RALYL: variants seen among roughly 807,000 people sequenced by gnomAD.
RALYL encodes RALY RNA binding protein like, also known as RNA-binding Raly-like protein.
RALYL carries 29 observed loss-of-function variants against 35.1 expected under a neutral mutation model. The observed-to-expected ratio is 0.83, with a 90% confidence interval of 0.61 to 1.13. RALYL has a LOEUF of 1.13. RALYL is among the 50% of genes most tolerant of loss of function. The probability of loss-of-function intolerance (pLI) is 0.00; values close to 1 mark genes in which losing one functional copy is unlikely to be tolerated. For synonymous variants in RALYL, 120 were observed against 127.6 expected (o/e 0.94, Z 0.40); for missense variants, 359 against 360.4 (o/e 1.00, Z 0.03).
chr8:84,900,695 C>A (rs866652670), intron 8 of RALYL, among the ~76,000 whole-genome samples: 16 of 151,800 alleles, frequency 1.1e-4, no homozygotes, highest in South Asian at 2.1e-4. Context: ...AAAAAAAATT[C>A]TCCCTATCAA....
intron 1 of RALYL, among the ~76,000 whole-genome samples, chr8:84,518,197 C>A (rs1164584904): frequency 7.5e-6 from 1 of 133,578 alleles, no homozygotes; most frequent in Non-Finnish European, 1.7e-5. Flanking sequence ...ACTATTATTT[C>A]TGGAGTAAGA....
At chr8:84,670,573 G>A (rs1377263186) in intron 2 of RALYL, among the ~76,000 whole-genome samples, 1 of 152,182 alleles carries the variant, frequency 6.6e-6, no homozygotes, top group East Asian at 1.9e-4. Flanking sequence ...AGCTGGGAAG[G>A]CCTCACAATC....
At chr8:84,210,506 T>C (rs746280547) in intron 1 of RALYL, among the ~76,000 whole-genome samples, 32 of 151,830 alleles carry the variant, frequency 2.1e-4, no homozygotes, top group Non-Finnish European at 4.1e-4. Context: ...AAAAAAGCTA[T>C]TGTGATGTAA....
At chr8:84,578,483 C>T (rs1810034748) in intron 2 of RALYL, among the ~76,000 whole-genome samples, 1 of 152,120 alleles carries the variant, frequency 6.6e-6, no homozygotes, top group Admixed American at 6.5e-5. Context: ...TTCAGTTGTC[C>T]CACTTCCAGG....
intron 1 of RALYL, among the ~76,000 whole-genome samples, chr8:84,354,355 C>T (rs563622986): frequency 6.7e-6 from 1 of 150,300 alleles, no homozygotes; most frequent in Non-Finnish European, 1.5e-5. Context: ...AAAATCAACT[C>T]TAGACAGCTC....
At chr8:84,224,298 A>C (rs1471700830) in intron 1 of RALYL, among the ~76,000 whole-genome samples, 1 of 152,178 alleles carries the variant, frequency 6.6e-6, no homozygotes, top group African/African-American at 2.4e-5. Context: ...TCTCAACCCC[A>C]GGTTCATTCT....
chr8:84,567,432 A>G (rs754748876), intron 2 of RALYL, among the ~76,000 whole-genome samples: 1 of 151,716 alleles, frequency 6.6e-6, no homozygotes, highest in South Asian at 2.1e-4. Context: ...GCCATTGTTT[A>G]GCTCCCATTT....
At chr8:84,787,520 C>A (rs1819825936) in intron 3 of RALYL, among the ~76,000 whole-genome samples, 2 of 152,164 alleles carry the variant, frequency 1.3e-5, no homozygotes. Context: ...GATTTATAAT[C>A]CTTTGGGTAT....
rs1352887571 is a variant in RALYL, at chr8:84,774,601, C to G, written c.279C>G (p.Pro93=). Residue 93 remains proline (P), a synonymous_variant, in exon 3 of 9, where the codon CCC becomes CCG. Coordinates refer to ENST00000521268, the MANE Select transcript of RALYL (RefSeq NM_173848.7). ...QPLDINMAGE[P]KPYRPKPGNK... Reference sequence around the variant, plus strand: ...CAGATATCAACATGGCAGGAGAGCCCAAACCATACAGACCAAAACCTGGAA... The same window carrying G: ...CAGATATCAACATGGCAGGAGAGCCGAAACCATACAGACCAAAACCTGGAA... The G allele has an allele frequency of 6.2e-7, 1 of 1,607,916 alleles. No individual in the cohort carries two copies. The highest frequency in any genetic ancestry group is 1.3e-5 in the African/African-American group (1 of 74,902).
At chr8:84,573,976 C>G (rs563015012) in intron 2 of RALYL, among the ~76,000 whole-genome samples, 9 of 151,854 alleles carry the variant, frequency 5.9e-5, no homozygotes, top group African/African-American at 2.4e-5. Context: ...TCTTTTTCTA[C>G]TAACCTTTCT....
At chr8:84,337,049 C>T (rs1563753630) in intron 1 of RALYL, among the ~76,000 whole-genome samples, 2 of 149,674 alleles carry the variant, frequency 1.3e-5, no homozygotes, top group African/African-American at 2.5e-5. Context: ...TTAGTCTTCT[C>T]ATAGAATTAG....
intron 1 of RALYL, among the ~76,000 whole-genome samples, chr8:84,518,466 T>A (rs2058223486): frequency 6.6e-6 from 1 of 152,184 alleles, no homozygotes; most frequent in South Asian, 2.1e-4. Flanking sequence ...CATTGCTAGA[T>A]GCTATCATTT....
At chr8:84,833,641 CAAAAAA>C (rs548355814) in intron 4 of RALYL, among the ~76,000 whole-genome samples, 1 of 70,540 alleles carries the variant, frequency 1.4e-5, no homozygotes. Flanking sequence ...GACTTCGTCT[CAAAAAA>C]AAAAAAAAAA....
chr8:84,472,345 G>A (rs2052877548), intron 1 of RALYL, among the ~76,000 whole-genome samples: 1 of 152,074 alleles, frequency 6.6e-6, no homozygotes, highest in African/African-American at 2.4e-5. Context: ...AAAACAGATG[G>A]AGAGCAAAAT....
At chr8:84,682,293 A>G (rs1835721037) in intron 2 of RALYL, among the ~76,000 whole-genome samples, 1 of 152,162 alleles carries the variant, frequency 6.6e-6, no homozygotes, top group Non-Finnish European at 1.5e-5. Flanking sequence ...TTATTGGTCT[A>G]AAATTCTCTT....
At chr8:84,871,329 C>G (rs566603029) in intron 6 of RALYL, among the ~76,000 whole-genome samples, 2 of 152,048 alleles carry the variant, frequency 1.3e-5, no homozygotes, top group East Asian at 3.9e-4. Flanking sequence ...TTTTTTAAGG[C>G]AATACATAAA....
chr8:84,786,990 TATAG>T (rs1819644877), intron 3 of RALYL, among the ~76,000 whole-genome samples: 1 of 152,182 alleles, frequency 6.6e-6, no homozygotes, highest in Non-Finnish European at 1.5e-5. Flanking sequence ...ATGGTGGGAA[TATAG>T]ATAAATTTTT....
At chr8:84,314,025 T>C (rs1843289845) in intron 1 of RALYL, among the ~76,000 whole-genome samples, 1 of 152,184 alleles carries the variant, frequency 6.6e-6, no homozygotes, top group Non-Finnish European at 1.5e-5. Flanking sequence ...CTCACAGTTC[T>C]GCATGGCTGG....
chr8:84,238,937 G>A (rs1827242359), intron 1 of RALYL, among the ~76,000 whole-genome samples: 2 of 152,174 alleles, frequency 1.3e-5, no homozygotes, highest in Non-Finnish European at 1.5e-5. Flanking sequence ...GAGTTTACAA[G>A]TTGTGGCTCA....
Sources: gnomAD v4.1 joint callset for allele counts (sites outside exome capture counted in the v4.1 genomes callset) on GRCh38, gnomAD v4.1.1 for gene constraint, MANE v1.5 for transcripts, NCBI Gene and HGNC (gene_info 2026-07-23, HGNC 2026-07-21) for gene names.